The following C11orf87 variants were observed in gnomAD, a reference collection of about 807,000 sequenced individuals.
C11orf87 encodes uncharacterized protein C11orf87.
C11orf87 carries 3 observed loss-of-function variants against 9.2 expected under a neutral mutation model. That is an observed-to-expected ratio of 0.33 (90% confidence interval 0.15 to 0.84). C11orf87 has a LOEUF of 0.84. C11orf87 is among the 40% of genes least tolerant of loss of function. The pLI, the probability that C11orf87 is intolerant of heterozygous loss-of-function variation, is 0.55. For synonymous variants in C11orf87, 124 were observed against 124.6 expected (o/e 1.00, Z 0.03); for missense variants, 256 against 270.7 (o/e 0.95, Z 0.38).
chr11:109,425,299 G>GTATT lies in C11orf87; in HGVS notation c.*1073_*1076dup, dbSNP rs1212615264. The GTATT allele has an allele frequency of 6.0e-6, 1 of 165,772 alleles. No homozygotes were observed. Among genetic ancestry groups the GTATT allele is most frequent in the East Asian group, 1.9e-4 (1 of 5,164 alleles). 10.3% of individuals were successfully genotyped at this position (165,772 alleles called of 1,614,324 possible). ...TTACCTTTTTTGTAAAAAAAAAAAA[G>GTATT]TATTAGGTGATGTGCAGTACTGAAA... is the stretch of plus-strand genomic sequence containing the variant. On this transcript the variant is annotated 3_prime_UTR_variant, in exon 2 of 2. Transcript: ENST00000327419.
intron 1 of C11orf87, among the ~76,000 whole-genome samples, chr11:109,422,961 G>A (rs1036102574): frequency 6.6e-6 from 1 of 151,782 alleles, no homozygotes; most frequent in African/African-American, 2.4e-5. Flanking sequence ...CCCGCGCGGC[G>A]GCCCGGAGTG....
At position 109,427,023 on chromosome 11, in the gene C11orf87, T is replaced by G. The variant is rs1464938434; in HGVS notation, c.*2796T>G. 6.6e-6 allele frequency: 1 copy of G among 152,202 alleles called. No homozygotes were observed. The highest frequency in any genetic ancestry group is 2.4e-5 in the African/African-American group (1 of 41,464). The allele number at this position is 152,202 out of a possible 1,614,324, so 9.4% of individuals were successfully genotyped here. On this transcript the variant is annotated 3_prime_UTR_variant, in exon 2 of 2. Transcript: ENST00000327419. ...TATGAATCATAGTATATTCAAGGCA[T>G]GCAATAATAATCCCCTTCCAAGGAG...
In C11orf87 at chr11:109,428,517, A is replaced by T. The variant is rs1000587406; in HGVS notation, c.*4290A>T. ...GATATTATGTGGAAGTTACAGGTTAAAGTAGAACCAGAAATTTTAATATAA... is the reference window on the plus strand; with the variant it reads ...GATATTATGTGGAAGTTACAGGTTATAGTAGAACCAGAAATTTTAATATAA... On this transcript the variant is annotated 3_prime_UTR_variant, in exon 2 of 2. Transcript: ENST00000327419. 6.6e-6 allele frequency: 1 copy of T among 152,152 alleles called. No homozygotes were observed. Among genetic ancestry groups the T allele is most frequent in the Admixed American group, 6.5e-5 (1 of 15,274 alleles). 9.4% of individuals were successfully genotyped at this position (152,152 alleles called of 1,614,324 possible).
At chr11:109,422,440 T>G (rs1004530205) in intron 1 of C11orf87, among the ~76,000 whole-genome samples, 177 bp downstream of exon 1, 1 of 152,216 alleles carries the variant, frequency 6.6e-6, no homozygotes, top group Non-Finnish European at 1.5e-5. Flanking sequence ...TACTCCGCAG[T>G]GCAACAGTTT....
rs1348910346 is a variant in C11orf87 at position 109,423,149 on chromosome 11, G to A, written c.-259-226G>A. ...TATCTGCTGAGTAATCTGCACCTCC[G>A]CGGTGCCGGCGCAGACCCCATCCTG... is the stretch of plus-strand genomic sequence containing the variant. On this transcript the variant is annotated intron_variant, in intron 1 of 1. Transcript: ENST00000327419. The surrounding 1 kb of genome is among the most constrained non-coding windows in gnomAD (Gnocchi z 5.3). Among the ~76,000 whole-genome samples, 1 of 152,198 alleles carries A rather than the reference G, an allele frequency of 6.6e-6. No homozygotes were observed. The highest frequency in any genetic ancestry group is 2.1e-4 in the South Asian group (1 of 4,836).
Position 109,423,515 on chromosome 11 carries a change from C to T in C11orf87, c.-119C>T, listed in dbSNP as rs1275196925. The T allele has an allele frequency of 2.8e-6, 3 of 1,058,116 alleles. No individual in the cohort carries two copies. The highest frequency in any genetic ancestry group is 2.7e-6 in the Non-Finnish European group (2 of 751,242). 65.5% of individuals were successfully genotyped at this position (1,058,116 alleles called of 1,614,324 possible). ...TTAGTCCTTGGCTCGCTCGCACACC[C>T]CCTCCCGCTACAGGGAGCAGTTTTG... On this transcript the variant is annotated 5_prime_UTR_variant, in exon 2 of 2. Coordinates refer to ENST00000327419, the MANE Select transcript of C11orf87 (RefSeq NM_207645.4). This position sits in a 1 kb window ranked among gnomAD's most constrained non-coding sequence, Gnocchi z 5.3.
In C11orf87 at chr11:109,424,056, C is replaced by T. The variant is rs1397008179; in HGVS notation, c.423C>T (p.Cys141=). Residue 141 remains cysteine, a synonymous_variant, in exon 2 of 2, where the codon TGC becomes TGT. Coordinates refer to ENST00000327419, the MANE Select transcript of C11orf87 (RefSeq NM_207645.4). The surrounding 1 kb of genome is among the most constrained non-coding windows in gnomAD (Gnocchi z 4.7). ...GGCAGCCCCGGGACTCTCCCTTCTG[C>T]GCCCCTTCCAACGCCTCGTCGTTGT... The part of the protein sequence containing the change: ...LERQPRDSPF[C]APSNASSLSS... 1.9e-6 allele frequency: 3 copies of T among 1,613,960 alleles called. No homozygotes were observed. Among genetic ancestry groups the T allele is most frequent in the Non-Finnish European group, 2.5e-6 (3 of 1,180,030 alleles).
rs1211033268 is a variant in C11orf87, at chr11:109,426,183, A to G, written c.*1956A>G. 6.6e-6 allele frequency: 1 copy of G among 152,190 alleles called. No homozygotes were observed. Among genetic ancestry groups the G allele is most frequent in the Non-Finnish European group, 1.5e-5 (1 of 68,030 alleles). The allele number at this position is 152,190 out of a possible 1,614,324, so 9.4% of individuals were successfully genotyped here. On this transcript the variant is annotated 3_prime_UTR_variant, in exon 2 of 2. Coordinates refer to ENST00000327419, the MANE Select transcript of C11orf87 (RefSeq NM_207645.4). ...CTTGGAAATCAAGCCTTTGACAGCTATTCAAATTTTTGGAAAATGTATGAA... is the reference window on the plus strand; with the variant it reads ...CTTGGAAATCAAGCCTTTGACAGCTGTTCAAATTTTTGGAAAATGTATGAA...
In C11orf87 at chr11:109,424,343, CCTTA is replaced by C. The variant is rs2134825873; in HGVS notation, c.*118_*121del. 31 of 772,024 alleles carry C rather than the reference CCTTA, an allele frequency of 4.0e-5. No homozygotes were observed. In the South Asian group the frequency reaches 5.1e-4, roughly 13 times the overall value. The allele number at this position is 772,024 out of a possible 1,614,324, so 47.8% of individuals were successfully genotyped here. On this transcript the variant is annotated 3_prime_UTR_variant, in exon 2 of 2. Coordinates refer to ENST00000327419, the MANE Select transcript of C11orf87 (RefSeq NM_207645.4). This position sits in a 1 kb window ranked among gnomAD's most constrained non-coding sequence, Gnocchi z 4.7. ...GGCCCCTCTTTCCTCTTCCTGGTTT[CCTTA>C]CCTGCCCTCCCCTTACTCTTGTTTC...
rs1860540935 is a variant in C11orf87, at chr11:109,424,247, C to G, written c.*20C>G. On this transcript the variant is annotated 3_prime_UTR_variant, in exon 2 of 2. Transcript: ENST00000327419. The surrounding 1 kb of genome is among the most constrained non-coding windows in gnomAD (Gnocchi z 4.7). ...TCCTGATCGTCTAGCCCCTCTCGTT[C>G]CCCGTCCTCGTTTCCAGCATCTTTG... is the stretch of plus-strand genomic sequence containing the variant. The G allele has an allele frequency of 6.3e-7, 1 of 1,581,108 alleles. No homozygotes were observed. Among genetic ancestry groups the G allele is most frequent in the Non-Finnish European group, 8.6e-7 (1 of 1,158,348 alleles).
rs1051537885 is a variant in C11orf87 at position 109,427,651 on chromosome 11, C to T, written c.*3424C>T. The T allele has an allele frequency of 2.6e-5, 4 of 152,246 alleles. No homozygotes were observed. The highest frequency in any genetic ancestry group is 9.6e-5 in the African/African-American group (4 of 41,564). The allele number at this position is 152,246 out of a possible 1,614,324, so 9.4% of individuals were successfully genotyped here. A position where few individuals can be genotyped will look rare whatever the true frequency, so the allele number is the denominator to read the frequency against. On this transcript the variant is annotated 3_prime_UTR_variant, in exon 2 of 2. Transcript: ENST00000327419. ...TCAAACCCCTATAGCTACAGCTTAACTTCTGCACTTGCTATTCAGTATTAA... is the reference window on the plus strand; with the variant it reads ...TCAAACCCCTATAGCTACAGCTTAATTTCTGCACTTGCTATTCAGTATTAA...
At position 109,426,650 on chromosome 11, in the gene C11orf87, T is replaced by C. The variant is rs1360769451; in HGVS notation, c.*2423T>C. 6.6e-6 allele frequency: 1 copy of C among 151,310 alleles called. No homozygotes were observed. The highest frequency in any genetic ancestry group is 2.4e-5 in the African/African-American group (1 of 41,064). 9.4% of individuals were successfully genotyped at this position (151,310 alleles called of 1,614,324 possible). ...TCCCTCAGGCCACTAGGGAATCCTG[T>C]AGTGCATCAGAGTTCTACACTGTAC... On this transcript the variant is annotated 3_prime_UTR_variant, in exon 2 of 2. Transcript: ENST00000327419.
rs1373029636 is a variant in C11orf87, at chr11:109,425,542, G to A, written c.*1315G>A. On this transcript the variant is annotated 3_prime_UTR_variant, in exon 2 of 2. Coordinates refer to ENST00000327419, the MANE Select transcript of C11orf87 (RefSeq NM_207645.4). ...GCAGACCTGGCTTCTGCTGTTTCCA[G>A]AAGTGTTCTTTTGTACCTTATTCTG... 6.0e-6 allele frequency: 1 copy of A among 167,008 alleles called. No individual in the cohort carries two copies. Among genetic ancestry groups the A allele is most frequent in the African/African-American group, 2.4e-5 (1 of 41,446 alleles). The allele number at this position is 167,008 out of a possible 1,614,324, so 10.3% of individuals were successfully genotyped here.
rs1860548859 is a variant in C11orf87 at position 109,424,818 on chromosome 11, C to G, written c.*591C>G. On this transcript the variant is annotated 3_prime_UTR_variant, in exon 2 of 2. Coordinates refer to ENST00000327419, the MANE Select transcript of C11orf87 (RefSeq NM_207645.4). This position sits in a 1 kb window ranked among gnomAD's most constrained non-coding sequence, Gnocchi z 4.7. ...AAAATGTCTACATTAAGCACCAGGACTGCAAGAGGCCATAGAGAATAGTCC... is the reference window on the plus strand; with the variant it reads ...AAAATGTCTACATTAAGCACCAGGAGTGCAAGAGGCCATAGAGAATAGTCC... 1 of 167,094 alleles carries G rather than the reference C, an allele frequency of 6.0e-6. No homozygotes were observed. The highest frequency in any genetic ancestry group is 2.4e-5 in the African/African-American group (1 of 41,450). The allele number at this position is 167,094 out of a possible 1,614,324, so 10.4% of individuals were successfully genotyped here.
At position 109,424,362 on chromosome 11, in the gene C11orf87, A is replaced by C. The variant is rs1302032126; in HGVS notation, c.*135A>C. 4.4e-6 allele frequency: 3 copies of C among 677,686 alleles called. No individual in the cohort carries two copies. The highest frequency in any genetic ancestry group is 3.1e-5 in the Admixed American group (1 of 32,752). 42.0% of individuals were successfully genotyped at this position (677,686 alleles called of 1,614,324 possible). A position where few individuals can be genotyped will look rare whatever the true frequency, so the allele number is the denominator to read the frequency against. ...TGGTTTCCTTACCTGCCCTCCCCTT[A>C]CTCTTGTTTCTCCTCCGCCGAGGCA... On this transcript the variant is annotated 3_prime_UTR_variant, in exon 2 of 2. Coordinates refer to ENST00000327419, the MANE Select transcript of C11orf87 (RefSeq NM_207645.4). The surrounding 1 kb of genome is among the most constrained non-coding windows in gnomAD (Gnocchi z 4.7).
At chr11:109,422,915 G>C (rs958060691) in intron 1 of C11orf87, among the ~76,000 whole-genome samples, 3 of 151,660 alleles carry the variant, frequency 2.0e-5, no homozygotes, top group Non-Finnish European at 4.4e-5. Flanking sequence ...GAGTCTGGAC[G>C]GGGAGGGAAA....
In C11orf87 at chr11:109,428,000, C is replaced by CTCTT. The variant is rs1860595645; in HGVS notation, c.*3775_*3778dup. ...TCTGGGGTCAAATCTGAATGACTTT[C>CTCTT]TCTTTAATAATGAAAGGGGAGAGTC... On this transcript the variant is annotated 3_prime_UTR_variant, in exon 2 of 2. Coordinates refer to ENST00000327419, the MANE Select transcript of C11orf87 (RefSeq NM_207645.4). 6.6e-6 allele frequency: 1 copy of CTCTT among 152,040 alleles called. No homozygotes were observed. The highest frequency in any genetic ancestry group is 2.1e-4 in the South Asian group (1 of 4,828). 9.4% of individuals were successfully genotyped at this position (152,040 alleles called of 1,614,324 possible). A position where few individuals can be genotyped will look rare whatever the true frequency, so the allele number is the denominator to read the frequency against.
Position 109,426,958 on chromosome 11 carries a change from C to T in C11orf87, c.*2731C>T, listed in dbSNP as rs1860580292. ...TTGTGAGCAGTGCTGGATAACGATT[C>T]CATTTTCTTGGTGCTGAAGCTACGC... On this transcript the variant is annotated 3_prime_UTR_variant, in exon 2 of 2. Transcript: ENST00000327419. 1 of 152,134 alleles carries T rather than the reference C, an allele frequency of 6.6e-6. No individual in the cohort carries two copies. The highest frequency in any genetic ancestry group is 2.1e-4 in the South Asian group (1 of 4,820). 9.4% of individuals were successfully genotyped at this position (152,134 alleles called of 1,614,324 possible).
At position 109,424,334 on chromosome 11, in the gene C11orf87, T is replaced by A; in HGVS notation, c.*107T>A. On this transcript the variant is annotated 3_prime_UTR_variant, in exon 2 of 2. Coordinates refer to ENST00000327419, the MANE Select transcript of C11orf87 (RefSeq NM_207645.4). This position sits in a 1 kb window ranked among gnomAD's most constrained non-coding sequence, Gnocchi z 4.7. ...TTTTCCTCTGGCCCCTCTTTCCTCT[T>A]CCTGGTTTCCTTACCTGCCCTCCCC... The A allele has an allele frequency of 1.1e-6, 1 of 881,416 alleles. No individual in the cohort carries two copies. Among genetic ancestry groups the A allele is most frequent in the Non-Finnish European group, 1.8e-6 (1 of 564,328 alleles). 54.6% of individuals were successfully genotyped at this position (881,416 alleles called of 1,614,324 possible).
Sources: allele counts gnomAD v4.1 joint callset (sites outside exome capture counted in the v4.1 genomes callset), GRCh38; gene constraint gnomAD v4.1.1; non-coding constraint Gnocchi (gnomAD v3.1); transcripts MANE v1.5; gene names NCBI Gene and HGNC (gene_info 2026-07-23, HGNC 2026-07-21).